Variants in GPC3 observed in about 807,000 individuals in gnomAD.
The protein encoded by GPC3 is glypican 3.
Under a neutral mutation model 34.4 loss-of-function variants are expected in GPC3, and 3 were observed. The observed-to-expected ratio is 0.09, with a 90% confidence interval of 0.04 to 0.23. GPC3 has a LOEUF of 0.23. Ranked by LOEUF, GPC3 falls within the 10% of genes least tolerant of loss-of-function variation. The pLI is 1.00. For synonymous variants in GPC3, 177 were observed against 174.0 expected (o/e 1.02, Z -0.13); for missense variants, 351 against 445.6 (o/e 0.79, Z 1.91).
intron 6 of GPC3, among the ~76,000 whole-genome samples, chrX:133,604,869 G>A (rs1369707336): frequency 1.8e-5 from 2 of 111,839 alleles, no homozygotes; most frequent in African/African-American, 3.2e-5. Flanking sequence ...CTGGCTTTCC[G>A]TATCCACAGC....
chrX:133,961,037 A>G (rs1467097555), intron 1 of GPC3, among the ~76,000 whole-genome samples: 2 of 112,283 alleles, frequency 1.8e-5, no homozygotes, highest in East Asian at 5.6e-4. Context: ...TCTAAACCAC[A>G]TCTTACATGC....
intron 2 of GPC3, among the ~76,000 whole-genome samples, chrX:133,848,392 G>C (rs1187012434): frequency 8.9e-6 from 1 of 111,920 alleles, no homozygotes; most frequent in Non-Finnish European, 1.9e-5. Flanking sequence ...TCATCCCATA[G>C]AGCACACAGA....
At chrX:133,937,142 T>C (rs1569456874) in intron 2 of GPC3, among the ~76,000 whole-genome samples, 1 of 110,551 alleles carries the variant, frequency 9.0e-6, no homozygotes, top group Non-Finnish European at 1.9e-5. Context: ...AGAAATGAAA[T>C]TGATTGCCCA....
intron 7 of GPC3, among the ~76,000 whole-genome samples, chrX:133,551,271 T>C (rs1318480950): frequency 9.0e-6 from 1 of 111,026 alleles, no homozygotes; most frequent in Non-Finnish European, 1.9e-5. Flanking sequence ...GTCCCTCGCT[T>C]GGCTGTAATA....
At chrX:133,575,560 C>T (rs1050771120) in intron 7 of GPC3, among the ~76,000 whole-genome samples, 4 of 111,732 alleles carry the variant, frequency 3.6e-5, no homozygotes. Context: ...TTAGCTGGGG[C>T]ACTGGACCGA....
intron 2 of GPC3, among the ~76,000 whole-genome samples, chrX:133,771,865 A>G (rs2071924253): frequency 8.9e-6 from 1 of 112,131 alleles, no homozygotes; most frequent in African/African-American, 3.2e-5. Context: ...TCAATGTGTC[A>G]TTGGAATACT....
At chrX:133,562,873 C>G (rs753315016) in intron 7 of GPC3, among the ~76,000 whole-genome samples, 27 of 79,037 alleles carry the variant, frequency 3.4e-4, no homozygotes, top group African/African-American at 1.3e-3. Flanking sequence ...AACTACTAGC[C>G]ATGTGACCAC....
At chrX:133,594,924 T>A (rs1416334048) in intron 7 of GPC3, among the ~76,000 whole-genome samples, 2 of 110,614 alleles carry the variant, frequency 1.8e-5, no homozygotes, top group Non-Finnish European at 3.8e-5. Context: ...CCAGCCATGG[T>A]GGCTCACACC....
chrX:133,864,723 CAT>C (rs1008281349), intron 2 of GPC3, among the ~76,000 whole-genome samples: 1 of 112,798 alleles, frequency 8.9e-6, no homozygotes, highest in Non-Finnish European at 1.9e-5. Flanking sequence ...AATTTACCAA[CAT>C]GTGACTTTTT....
chrX:133,843,205 C>G, intron 2 of GPC3, among the ~76,000 whole-genome samples: 1 of 111,327 alleles, frequency 9.0e-6, no homozygotes, highest in African/African-American at 3.3e-5. Context: ...GAAGTGTGTC[C>G]TCTCCCAAAT....
intron 2 of GPC3, among the ~76,000 whole-genome samples, chrX:133,879,156 C>T (rs981833895): frequency 4.5e-5 from 5 of 110,947 alleles, no homozygotes; most frequent in African/African-American, 1.6e-4. Flanking sequence ...ATTTTTAAAA[C>T]TGAGGAAACC....
chrX:133,753,685 A>T lies in GPC3; in HGVS notation c.829T>A (p.Tyr277Asn). The T allele has an allele frequency of 8.3e-7, 1 of 1,211,393 alleles. No individual in the cohort carries two copies. Among genetic ancestry groups the T allele is most frequent in the Non-Finnish European group, 1.1e-6 (1 of 895,036 alleles). ...CAGCCTTGCATGACCACATTGCAGT[A>T]ACCGCCACAGGGTTTAACCATCATC... ...GLMMVKPCGG[Y>N]CNVVMQGCMA... Residue 277 changes from tyrosine to asparagine, a missense_variant, in exon 3 of 8, where the codon TAC (tyrosine) becomes AAC (asparagine). Coordinates refer to ENST00000370818, the MANE Select transcript of GPC3 (RefSeq NM_004484.4).
intron 2 of GPC3, among the ~76,000 whole-genome samples, chrX:133,808,072 C>A (rs1603251543): frequency 8.9e-6 from 1 of 112,600 alleles, no homozygotes. Flanking sequence ...TAAGACAACG[C>A]TGTTAACAAT....
intron 2 of GPC3, among the ~76,000 whole-genome samples, chrX:133,898,130 G>A (rs932016546): frequency 1.7e-4 from 19 of 111,333 alleles, no homozygotes; most frequent in Admixed American, 1.1e-3. Context: ...GCAGTAATCC[G>A]ATATAATAAA....
At chrX:133,725,651 T>C (rs1004953505) in intron 3 of GPC3, among the ~76,000 whole-genome samples, 2 of 112,019 alleles carry the variant, frequency 1.8e-5, no homozygotes, top group African/African-American at 6.5e-5. Context: ...AAATGAGTTA[T>C]TGTGAATATG....
chrX:133,939,338 A>T (rs1043822649), intron 2 of GPC3, among the ~76,000 whole-genome samples: 1 of 112,387 alleles, frequency 8.9e-6, no homozygotes, highest in African/African-American at 3.2e-5. Flanking sequence ...TATATAAATC[A>T]TAGTTGATTA....
At chrX:133,907,361 A>C (rs750280863) in intron 2 of GPC3, among the ~76,000 whole-genome samples, 1 of 111,352 alleles carries the variant, frequency 9.0e-6, no homozygotes, top group South Asian at 3.8e-4. Flanking sequence ...TCAAAACCAT[A>C]CAAGGTTTAT....
chrX:133,751,368 T>G (rs2071666931), intron 3 of GPC3, among the ~76,000 whole-genome samples: 1 of 112,070 alleles, frequency 8.9e-6, no homozygotes, highest in South Asian at 3.7e-4. Context: ...TTGTAAAATT[T>G]ACTTTTGCAG....
chrX:133,579,353 G>T (rs895497819), intron 7 of GPC3, among the ~76,000 whole-genome samples: 1 of 111,884 alleles, frequency 8.9e-6, no homozygotes, highest in African/African-American at 3.3e-5. Context: ...CTATGGGCAG[G>T]TACTTTGCTT....
Sources: allele counts gnomAD v4.1 joint callset (sites outside exome capture counted in the v4.1 genomes callset), GRCh38; gene constraint gnomAD v4.1.1; transcripts MANE v1.5; gene names NCBI Gene and HGNC (gene_info 2026-07-23, HGNC 2026-07-21).